TGFBR3L: variants seen among roughly 807,000 people sequenced by gnomAD.
TGFBR3L encodes transforming growth factor-beta receptor type 3-like protein.
In TGFBR3L, 21 loss-of-function variants were observed where a neutral mutation model predicts 20.4. The observed-to-expected ratio is 1.03, with a 90% CI of 0.73 to 1.48. The LOEUF (loss-of-function observed/expected upper bound fraction) is 1.48. Ranked by LOEUF, TGFBR3L falls within the 40% of genes most tolerant of loss-of-function variation. The pLI is 0.00. For missense variants in TGFBR3L, 479 were observed against 498.0 expected, an observed-to-expected ratio of 0.96 and a Z score of 0.36; for synonymous variants, 245 against 244.2, an observed-to-expected ratio of 1.00 and a Z score of -0.03.
In TGFBR3L at chr19:7,916,141, C is replaced by T; in HGVS notation, c.-127C>T. On this transcript the variant is annotated 5_prime_UTR_variant, in exon 1 of 6. Coordinates refer to ENST00000565886, the MANE Select transcript of TGFBR3L (RefSeq NM_001195259.2). ...TTCTCTTCCGCCCCAGGGAGGGCTT[C>T]GCCAGCTTCGGAGGCTTCTCTAGGG... is the stretch of plus-strand genomic sequence containing the variant. 2.1e-6 allele frequency: 3 copies of T among 1,434,184 alleles called. No individual in the cohort carries two copies. Among genetic ancestry groups the T allele is most frequent in the African/African-American group, 1.4e-5 (1 of 69,468 alleles). 88.8% of individuals were successfully genotyped at this position (1,434,184 alleles called of 1,614,324 possible).
chr19:7,917,053 T>TG (rs1358983504), intron 2 of TGFBR3L, 111 bp downstream of exon 3: 7 of 962,048 alleles, frequency 7.3e-6, no homozygotes, highest in Non-Finnish European at 9.2e-6. Flanking sequence ...ATCTGGGGGT[T>TG]GGGGGAGGTG....
At chr19:7,916,982 C>G in intron 2 of TGFBR3L, 40 bp downstream of exon 3, 1 of 1,268,772 alleles carries the variant, frequency 7.9e-7, no homozygotes, top group South Asian at 2.9e-5. Context: ...CGCTGGGGCC[C>G]TTCGGGGGCT....
In TGFBR3L at chr19:7,916,683, C is replaced by G. The variant is rs760936774; in HGVS notation, c.338C>G (p.Pro113Arg). The G allele has an allele frequency of 4.2e-6, 6 of 1,429,926 alleles. No individual in the cohort carries two copies. The highest frequency in any genetic ancestry group is 5.4e-6 in the Non-Finnish European group (6 of 1,101,682). The allele number at this position is 1,429,926 out of a possible 1,614,324, so 88.6% of individuals were successfully genotyped here. A position where few individuals can be genotyped will look rare whatever the true frequency, so the allele number is the denominator to read the frequency against. The change falls in exon 2 of 6, where the codon CCG becomes CGG. Residue 113 changes from proline (P) to arginine (R), a missense_variant. By Grantham distance (103) the Pro-to-Arg change is moderately radical (BLOSUM62 -2). Coordinates refer to ENST00000565886, the MANE Select transcript of TGFBR3L (RefSeq NM_001195259.2). Reference sequence around the variant, plus strand: ...GCCCTGCACCGCTGCTCAGTGACGCCGTCCTCACGCCCGGCCCCGGGGCCC... The same window carrying G: ...GCCCTGCACCGCTGCTCAGTGACGCGGTCCTCACGCCCGGCCCCGGGGCCC...
chr19:7,915,891 T>C lies in TGFBR3L; in HGVS notation c.-377T>C, dbSNP rs1288111582. On this transcript the variant is annotated 5_prime_UTR_variant, in exon 1 of 6. Transcript: ENST00000565886. ...CCATGGCTGCCTCAGCCTGGACAAG[T>C]GGAAGCGTCTCAGATCTTGGTGGCC... 2.0e-5 allele frequency among the ~76,000 whole-genome samples: 3 copies of C among 152,136 alleles called. No individual in the cohort carries two copies. Among genetic ancestry groups the C allele is most frequent in the Non-Finnish European group, 4.4e-5 (3 of 68,018 alleles).
In TGFBR3L at chr19:7,916,408, T is replaced by C; in HGVS notation, c.141T>C (p.Ala47=). Residue 47 remains alanine, a synonymous_variant, in exon 1 of 6, where the codon GCT becomes GCC. Transcript: ENST00000565886. ...GGCCGCCCTTCCCCGCCCCGCCAGC[T>C]CCCCCGTTCCCCGCGGCGCCCGGCC... 6.5e-7 allele frequency: 1 copy of C among 1,534,714 alleles called. No individual in the cohort carries two copies. The highest frequency in any genetic ancestry group is 8.7e-7 in the Non-Finnish European group (1 of 1,146,330).
chr19:7,917,795 G>A lies in TGFBR3L; in HGVS notation c.819G>A (p.Val273=). 6.9e-7 allele frequency: 1 copy of A among 1,439,184 alleles called. No homozygotes were observed. Among genetic ancestry groups the A allele is most frequent in the Admixed American group, 2.8e-5 (1 of 35,254 alleles). 89.2% of individuals were successfully genotyped at this position (1,439,184 alleles called of 1,614,324 possible). A position where few individuals can be genotyped will look rare whatever the true frequency, so the allele number is the denominator to read the frequency against. ...AACCCGCGCCGGTGGTGGCGCTGGT[G>A]TTGGCAGCCTTCGTGCTGGGCGCCG... is the stretch of plus-strand genomic sequence containing the variant. The change falls in exon 4 of 6, where the codon GTG becomes GTA. Residue 273 remains valine (V), a synonymous_variant. Coordinates refer to ENST00000565886, the MANE Select transcript of TGFBR3L (RefSeq NM_001195259.2).
rs1983279706 is a variant in TGFBR3L, at chr19:7,916,226, G to A, written c.-42G>A. On this transcript the variant is annotated 5_prime_UTR_variant, in exon 1 of 6. Coordinates refer to ENST00000565886, the MANE Select transcript of TGFBR3L (RefSeq NM_001195259.2). The stretch of plus-strand genomic sequence containing the variant: ...TGTGCGAGTCCCAGGGGTCGCCAGG[G>A]GGCACATCACCGTCAGGGGGGAAAG... 2.0e-6 allele frequency: 3 copies of A among 1,518,474 alleles called. No individual in the cohort carries two copies. Among genetic ancestry groups the A allele is most frequent in the Non-Finnish European group, 2.6e-6 (3 of 1,137,006 alleles). 94.1% of individuals were successfully genotyped at this position (1,518,474 alleles called of 1,614,324 possible). A position where few individuals can be genotyped will look rare whatever the true frequency, so the allele number is the denominator to read the frequency against.
At position 7,916,921 on chromosome 19, in the gene TGFBR3L, G is replaced by C; in HGVS notation, c.576G>C (p.Pro192=). The C allele has an allele frequency of 7.7e-7, 1 of 1,293,874 alleles. No homozygotes were observed. The highest frequency in any genetic ancestry group is 1.6e-5 in the African/African-American group (1 of 64,438). 80.1% of individuals were successfully genotyped at this position (1,293,874 alleles called of 1,614,324 possible). A position where few individuals can be genotyped will look rare whatever the true frequency, so the allele number is the denominator to read the frequency against. ...GGGCGCCTGCGCCTCTGACGCCGCC[G>C]CCGCCGCCGCCGCCATCGCGGGTGC... Residue 192 remains proline (P), a synonymous_variant, in exon 2 of 6, where the codon CCG becomes CCC. Transcript: ENST00000565886.
Position 7,915,920 on chromosome 19 carries a change from C to G in TGFBR3L, c.-348C>G, listed in dbSNP as rs1050042704. 1.3e-5 allele frequency among the ~76,000 whole-genome samples: 2 copies of G among 152,160 alleles called. No homozygotes were observed. The highest frequency in any genetic ancestry group is 2.4e-5 in the African/African-American group (1 of 41,424). ...AGCGTCTCAGATCTTGGTGGCCTGG[C>G]TGGGCTTTGGCTGTGCCCAGGAGAG... On this transcript the variant is annotated 5_prime_UTR_variant, in exon 1 of 6. Coordinates refer to ENST00000565886, the MANE Select transcript of TGFBR3L (RefSeq NM_001195259.2).
intron 5 of TGFBR3L, among the ~76,000 whole-genome samples, chr19:7,918,394 A>G (rs1458565586): frequency 6.6e-6 from 1 of 151,670 alleles, no homozygotes; most frequent in East Asian, 1.9e-4. Context: ...GCGCCACCAC[A>G]CCCGGCTAAT....
At chr19:7,918,325 C>G (rs1983417761) in intron 5 of TGFBR3L, among the ~76,000 whole-genome samples, 196 bp downstream of exon 6, 2 of 152,220 alleles carry the variant, frequency 1.3e-5, no homozygotes, top group African/African-American at 4.8e-5. Context: ...CAACCTCTGC[C>G]TCCCGGGTTC....
At chr19:7,918,712 G>C (rs934896924) in intron 5 of TGFBR3L, 1 of 393,962 alleles carries the variant, frequency 2.5e-6, no homozygotes, top group African/African-American at 2.1e-5. Context: ...TCAGGCAGTG[G>C]GTCACCCGCG....
At position 7,916,665 on chromosome 19, in the gene TGFBR3L, A is replaced by G; in HGVS notation, c.320A>G (p.His107Arg). 1 of 1,424,198 alleles carries G rather than the reference A, an allele frequency of 7.0e-7. No homozygotes were observed. Among genetic ancestry groups the G allele is most frequent in the Non-Finnish European group, 9.1e-7 (1 of 1,101,696 alleles). The allele number at this position is 1,424,198 out of a possible 1,614,324, so 88.2% of individuals were successfully genotyped here. A position where few individuals can be genotyped will look rare whatever the true frequency, so the allele number is the denominator to read the frequency against. The change falls in exon 2 of 6, where the codon CAC becomes CGC. Residue 107 changes from histidine to arginine, a missense_variant. By Grantham distance (29) the His-to-Arg change is conservative (BLOSUM62 0). Coordinates refer to ENST00000565886, the MANE Select transcript of TGFBR3L (RefSeq NM_001195259.2). The stretch of plus-strand genomic sequence containing the variant: ...TCCCCGCGCTGGGGCCTGGCCCTGC[A>G]CCGCTGCTCAGTGACGCCGTCCTCA...
chr19:7,918,425 G>C (rs1214715044), intron 5 of TGFBR3L, among the ~76,000 whole-genome samples: 1 of 151,788 alleles, frequency 6.6e-6, no homozygotes, highest in African/African-American at 2.4e-5. Context: ...TAGTAGAGAC[G>C]GGGTTTCTCC....
intron 5 of TGFBR3L, among the ~76,000 whole-genome samples, chr19:7,918,361 T>C (rs1013333324): frequency 2.0e-5 from 3 of 152,208 alleles, no homozygotes; most frequent in Non-Finnish European, 4.4e-5. Context: ...CTCAGCCTCC[T>C]GAGTAGCTGG....
rs1403001352 is a variant in TGFBR3L, at chr19:7,918,107, C to T, written c.934C>T (p.Pro312Ser). 7.2e-6 allele frequency: 11 copies of T among 1,535,164 alleles called. No individual in the cohort carries two copies. Among genetic ancestry groups the T allele is most frequent in the Middle Eastern group, 3.3e-4 (2 of 5,988 alleles). ...GAGAGCCTCGCCCAGCGGTCCCCAG[C>T]CCAGGAGGTCCCAGTGAGGAAGGTA... The change falls in exon 5 of 6, where the codon CCC becomes TCC. Residue 312 changes from proline (P) to serine (S), a missense_variant. Physicochemically the swap from Pro to Ser is moderately conservative, Grantham distance 74. Coordinates refer to ENST00000565886, the MANE Select transcript of TGFBR3L (RefSeq NM_001195259.2).
At position 7,919,049 on chromosome 19, in the gene TGFBR3L, C is replaced by G; in HGVS notation, c.*138C>G. The stretch of plus-strand genomic sequence containing the variant: ...CGACCCCTGCGCTTCTCTCCTCCCC[C>G]TGTCCCTCCCACCTGTGCTCAAAAT... On this transcript the variant is annotated 3_prime_UTR_variant, in exon 6 of 6. Coordinates refer to ENST00000565886, the MANE Select transcript of TGFBR3L (RefSeq NM_001195259.2). 1 of 398,754 alleles carries G rather than the reference C, an allele frequency of 2.5e-6. No homozygotes were observed. The highest frequency in any genetic ancestry group is 1.3e-4 in the South Asian group (1 of 7,868). 24.7% of individuals were successfully genotyped at this position (398,754 alleles called of 1,614,324 possible).
chr19:7,916,200 C>CTG lies in TGFBR3L; in HGVS notation c.-65_-64dup. On this transcript the variant is annotated 5_prime_UTR_variant, in exon 1 of 6. Transcript: ENST00000565886. The stretch of plus-strand genomic sequence containing the variant: ...CTCTGCAACCGGCTCAGTTGCTGGG[C>CTG]TGTGCGAGTCCCAGGGGTCGCCAGG... 2.7e-6 allele frequency: 4 copies of CTG among 1,494,148 alleles called. No individual in the cohort carries two copies. The highest frequency in any genetic ancestry group is 3.6e-6 in the Non-Finnish European group (4 of 1,124,936). The allele number at this position is 1,494,148 out of a possible 1,614,324, so 92.6% of individuals were successfully genotyped here.
rs1983229611 is a variant in TGFBR3L at position 7,915,286 on chromosome 19, T to C, written c.-982T>C. The stretch of plus-strand genomic sequence containing the variant: ...CCACCGCGCCCCACCGATGTCACTC[T>C]CTTTCAACTAGACCTTTGGTGGTGG... On this transcript the variant is annotated 5_prime_UTR_variant, in exon 1 of 6. Coordinates refer to ENST00000565886, the MANE Select transcript of TGFBR3L (RefSeq NM_001195259.2). Among the ~76,000 whole-genome samples the C allele has an allele frequency of 1.3e-5, 2 of 152,004 alleles. No homozygotes were observed. The highest frequency in any genetic ancestry group is 1.9e-4 in the East Asian group (1 of 5,188).
Sources: allele counts gnomAD v4.1 joint callset (sites outside exome capture counted in the v4.1 genomes callset), GRCh38; gene constraint gnomAD v4.1.1; transcripts MANE v1.5; gene names NCBI Gene and HGNC (gene_info 2026-07-23, HGNC 2026-07-21).